Variants in SYT9 observed in about 807,000 individuals in gnomAD.
The protein encoded by SYT9 is synaptotagmin-9.
A neutral mutation model predicts 48.4 loss-of-function variants in SYT9; 22 were observed. That is an observed-to-expected ratio of 0.45 (90% CI 0.32 to 0.65). SYT9 has a LOEUF of 0.65. SYT9 is among the 30% of genes least tolerant of loss of function. SYT9 has a pLI of 0.03. For missense variants in SYT9, 577 were observed against 622.0 expected (o/e 0.93, Z 0.77); for synonymous variants, 265 against 245.0 (o/e 1.08, Z -0.76).
intron 1 of SYT9, among the ~76,000 whole-genome samples, chr11:7,241,665 C>A (rs886505991): frequency 6.6e-6 from 1 of 152,212 alleles, no homozygotes; most frequent in East Asian, 1.9e-4. Context: ...AGAAGAATAA[C>A]AACAGCACAG....
intron 3 of SYT9, among the ~76,000 whole-genome samples, chr11:7,402,002 C>G (rs975017315): frequency 1.3e-5 from 2 of 151,838 alleles, no homozygotes; most frequent in Admixed American, 6.6e-5. Flanking sequence ...ATAAGCACTA[C>G]TTTGTTTGTG....
intron 3 of SYT9, among the ~76,000 whole-genome samples, chr11:7,387,352 A>C (rs900824109): frequency 6.6e-6 from 1 of 152,016 alleles, no homozygotes; most frequent in Admixed American, 6.6e-5. Flanking sequence ...AAAAATAATA[A>C]AATAAAATGT....
At chr11:7,255,913 G>A (rs1847960315) in intron 1 of SYT9, among the ~76,000 whole-genome samples, 1 of 152,062 alleles carries the variant, frequency 6.6e-6, no homozygotes, top group Non-Finnish European at 1.5e-5. Flanking sequence ...TGGAGACTTC[G>A]CTGTCAAGAA....
chr11:7,313,560 T>A lies in SYT9; in HGVS notation c.663T>A (p.Cys221Ter). Residue 221 changes from cysteine (C) to a stop codon, truncating the protein, a stop_gained, in exon 3 of 7, where the codon TGT becomes TGA. Transcript: ENST00000318881. LOFTEE classifies it high-confidence loss of function. ...DDGRRSNSKA[C>*]GKLNFILKYD... ...GGAGACGGAGTAACAGCAAGGCTTGTGGGAAACTGAACTTCATTTTAAAAT... is the reference window on the plus strand; with the variant it reads ...GGAGACGGAGTAACAGCAAGGCTTGAGGGAAACTGAACTTCATTTTAAAAT... 2 of 1,614,138 alleles carry A rather than the reference T, an allele frequency of 1.2e-6. No homozygotes were observed. Among genetic ancestry groups the A allele is most frequent in the South Asian group, 2.2e-5 (2 of 91,088 alleles).
chr11:7,391,096 C>T (rs567259647), intron 3 of SYT9, among the ~76,000 whole-genome samples: 1 of 152,248 alleles, frequency 6.6e-6, no homozygotes, highest in East Asian at 1.9e-4. Context: ...TCTGTTTCTG[C>T]ATTAATTCAG....
rs1194268319 is a variant in SYT9, at chr11:7,380,830, T to C, written c.1045-35212T>C. Among the ~76,000 whole-genome samples, 3 of 152,090 alleles carry C rather than the reference T, an allele frequency of 2.0e-5. 1 individual carries two copies. In the South Asian group the frequency reaches 6.2e-4, roughly 32 times the overall value. The stretch of plus-strand genomic sequence containing the variant: ...TAAAGCCTTTTATTTTCACATGCAT[T>C]AGGTTGCATCTACTTCAGATGTTGT... On this transcript the variant is annotated intron_variant, in intron 3 of 6. Coordinates refer to ENST00000318881, the MANE Select transcript of SYT9 (RefSeq NM_175733.4).
At chr11:7,425,126 A>G (rs113695633) in intron 6 of SYT9, among the ~76,000 whole-genome samples, 3 of 152,176 alleles carry the variant, frequency 2.0e-5, no homozygotes, top group African/African-American at 7.2e-5. Context: ...GGAGATCCAC[A>G]TATTCCCAGG....
chr11:7,328,456 A>G (rs138840784), intron 3 of SYT9, among the ~76,000 whole-genome samples: 1 of 152,294 alleles, frequency 6.6e-6, no homozygotes, highest in African/African-American at 2.4e-5. Flanking sequence ...AAATTACAAT[A>G]TGCGTTGTTA....
intron 3 of SYT9, among the ~76,000 whole-genome samples, chr11:7,347,533 C>A (rs531869462): frequency 6.6e-6 from 1 of 152,184 alleles, no homozygotes; most frequent in Non-Finnish European, 1.5e-5. Context: ...CTGCGCCCAG[C>A]CGAACTATTT....
chr11:7,240,048 G>C (rs769524650), intron 1 of SYT9, among the ~76,000 whole-genome samples: 3 of 152,142 alleles, frequency 2.0e-5, no homozygotes, highest in Non-Finnish European at 4.4e-5. Flanking sequence ...AGCAAGGGAG[G>C]AATGCAGGTC....
chr11:7,431,031 A>G (rs1196840748), intron 6 of SYT9, among the ~76,000 whole-genome samples: 2 of 152,222 alleles, frequency 1.3e-5, no homozygotes, highest in African/African-American at 4.8e-5. Context: ...AAAGGTTGGA[A>G]GAGTTTGGAG....
In SYT9 at chr11:7,417,949, C is replaced by T; in HGVS notation, c.1166-8C>T. ...TCACAGTACTCCTGCTTCTCATGGTCTGTCCAGATCCCTATGTGAAAGTCT... is the reference window on the plus strand; with the variant it reads ...TCACAGTACTCCTGCTTCTCATGGTTTGTCCAGATCCCTATGTGAAAGTCT... On this transcript the variant is annotated splice_region_variant and splice_polypyrimidine_tract_variant and intron_variant, in intron 4 of 6. Transcript: ENST00000318881. 6.2e-7 allele frequency: 1 copy of T among 1,610,834 alleles called. No homozygotes were observed. The highest frequency in any genetic ancestry group is 8.5e-7 in the Non-Finnish European group (1 of 1,178,528).
intron 3 of SYT9, among the ~76,000 whole-genome samples, chr11:7,405,059 T>G (rs1392349695): frequency 6.9e-6 from 1 of 145,890 alleles, no homozygotes; most frequent in Non-Finnish European, 1.5e-5. Flanking sequence ...CAGCTGTCAG[T>G]AACACTTCTT....
intron 3 of SYT9, among the ~76,000 whole-genome samples, chr11:7,332,343 A>G (rs932228602): frequency 2.0e-5 from 3 of 152,172 alleles, no homozygotes; most frequent in African/African-American, 7.2e-5. Flanking sequence ...GATGGTTCCC[A>G]TCAGCTGAGG....
intron 6 of SYT9, chr11:7,427,256 G>T (rs1349618346): frequency 6.6e-6 from 1 of 152,210 alleles, no homozygotes; most frequent in Non-Finnish European, 1.5e-5. Context: ...TTCAAATAGA[G>T]ATGGCCCTTA....
Position 7,299,210 on chromosome 11 carries a change from G to A in SYT9, c.146-3829G>A, listed in dbSNP as rs767572499. Among the ~76,000 whole-genome samples the A allele has an allele frequency of 5.3e-5, 8 of 152,134 alleles. No homozygotes were observed. In the South Asian group the frequency reaches 6.2e-4, roughly 12 times the overall value. On this transcript the variant is annotated intron_variant, in intron 1 of 6. Transcript: ENST00000318881. ...CACCTAACTTAAGAAATAACATCTT[G>A]TGATTCTAAGCTGATGCTCCCTCTC...
rs570398725 is a variant in SYT9, at chr11:7,434,056, T to C, written c.1467+13421T>C. ...ACAGGGCTCAGCACTGTATTTCTGG[T>C]GTTAGTGCTATTCTCAATTCTGTCC... On this transcript the variant is annotated intron_variant, in intron 6 of 6. Coordinates refer to ENST00000318881, the MANE Select transcript of SYT9 (RefSeq NM_175733.4). Among the ~76,000 whole-genome samples the C allele has an allele frequency of 3.3e-5, 5 of 152,182 alleles. No individual in the cohort carries two copies. The South Asian group carries it at 8.3e-4, about 25-fold the overall frequency.
intron 6 of SYT9, among the ~76,000 whole-genome samples, chr11:7,429,713 C>T (rs1044016694): frequency 2.6e-5 from 4 of 152,136 alleles, no homozygotes; most frequent in African/African-American, 7.2e-5. Context: ...TGGCTCACTG[C>T]GGTATGTCCA....
rs769235952 is a variant in SYT9, at chr11:7,313,408, C to T, written c.511C>T (p.Arg171Ter). ...PTSSARHNSI[R>*]RQLNLSNPDF... Reference sequence around the variant, plus strand: ...TCTTCATTCAAGGCATAATTCAATCCGAAGACAACTCAACTTGTCAAACCC... The same window carrying T: ...TCTTCATTCAAGGCATAATTCAATCTGAAGACAACTCAACTTGTCAAACCC... The change falls in exon 3 of 7, where the codon CGA becomes TGA. Residue 171 changes from arginine to a stop codon, truncating the protein, a stop_gained. Transcript: ENST00000318881. LOFTEE classifies it high-confidence loss of function. 2 of 1,610,010 alleles carry T rather than the reference C, an allele frequency of 1.2e-6. No homozygotes were observed. The highest frequency in any genetic ancestry group is 1.3e-5 in the African/African-American group (1 of 74,714).
Sources: allele counts gnomAD v4.1 joint callset (sites outside exome capture counted in the v4.1 genomes callset), GRCh38; gene constraint gnomAD v4.1.1; transcripts MANE v1.5; gene names NCBI Gene and HGNC (gene_info 2026-07-23, HGNC 2026-07-21).